The following CCDC42 variants were observed in gnomAD, a reference collection of about 807,000 sequenced individuals.
The protein encoded by CCDC42 is coiled-coil domain containing 42.
In CCDC42, 38 loss-of-function variants were observed where a neutral mutation model predicts 40.8. The observed-to-expected ratio is 0.93, with a 90% CI of 0.72 to 1.22. The LOEUF is 1.22. Among genes scored for constraint, CCDC42 ranks in the 50% most tolerant of loss-of-function variants. The pLI, the probability that CCDC42 is intolerant of heterozygous loss-of-function variation, is 0.00. For missense variants in CCDC42, 379 were observed against 416.5 expected (o/e 0.91, Z 0.78); for synonymous variants, 135 against 157.5 (o/e 0.86, Z 1.07).
At chr17:8,744,028 G>GCCCCCC in intron 2 of CCDC42, 51 bp downstream of exon 2, 2 of 1,220,584 alleles carry the variant, frequency 1.6e-6, no homozygotes, top group Non-Finnish European at 2.4e-6. Context: ...CAGAGCCCCA[G>GCCCCCC]CCCACCCCCT....
intron 2 of CCDC42, 93 bp from the exon 3 acceptor site, chr17:8,743,823 T>G: frequency 1.3e-6 from 1 of 797,632 alleles, no homozygotes; most frequent in Non-Finnish European, 2.1e-6. Flanking sequence ...AGAGGCTCCA[T>G]CCCCAGGCCC....
At chr17:8,741,318 G>T (rs2086641965) in intron 4 of CCDC42, among the ~76,000 whole-genome samples, 156 bp downstream of exon 4, 1 of 152,154 alleles carries the variant, frequency 6.6e-6, no homozygotes, top group Non-Finnish European at 1.5e-5. Context: ...CATCTCCTCG[G>T]AGCAGGGTGC....
Position 8,735,373 on chromosome 17 carries a change from C to T in CCDC42, c.714+17G>A, listed in dbSNP as rs770173173. 2.2e-5 allele frequency: 36 copies of T among 1,613,108 alleles called. No homozygotes were observed. The highest frequency in any genetic ancestry group is 2.5e-5 in the Non-Finnish European group (30 of 1,179,764). Reference sequence around the variant, plus strand: ...ACCCAGTGCCTGGGAGCCCCCGGCCCGCCCCGGGCCCCTCACCCAGAAGAT... The same window carrying T: ...ACCCAGTGCCTGGGAGCCCCCGGCCTGCCCCGGGCCCCTCACCCAGAAGAT... On this transcript the variant is annotated intron_variant, in intron 5 of 6. Transcript: ENST00000293845. The surrounding 1 kb of genome is among the most constrained non-coding windows in gnomAD (Gnocchi z 4.7).
intron 4 of CCDC42, among the ~76,000 whole-genome samples, chr17:8,738,567 G>A (rs543560116): frequency 6.6e-6 from 1 of 150,976 alleles, no homozygotes; most frequent in East Asian, 1.9e-4. Flanking sequence ...CCGGGTTCAA[G>A]CAATTCTCCT....
At chr17:8,741,969 G>A (rs1013430945) in intron 3 of CCDC42, among the ~76,000 whole-genome samples, 5 of 152,134 alleles carry the variant, frequency 3.3e-5, no homozygotes, top group Non-Finnish European at 5.9e-5. Flanking sequence ...GGGCAGACAG[G>A]AAATGGTTCT....
In CCDC42 at chr17:8,730,349, A is replaced by T. The variant is rs531904835; in HGVS notation, c.874-142T>A. Reference sequence around the variant, plus strand: ...CTTCTTTTTAAATTTTTATTTATTTATTTTTTTGATACAAGAGTCTTGCTC... The same window carrying T: ...CTTCTTTTTAAATTTTTATTTATTTTTTTTTTTGATACAAGAGTCTTGCTC... On this transcript the variant is annotated intron_variant, in intron 6 of 6. Coordinates refer to ENST00000293845, the MANE Select transcript of CCDC42 (RefSeq NM_144681.3). 7.0e-5 allele frequency: 41 copies of T among 585,908 alleles called. No homozygotes were observed. The South Asian group carries it at 8.8e-4, about 13-fold the overall frequency. The allele number at this position is 585,908 out of a possible 1,614,324, so 36.3% of individuals were successfully genotyped here. A position where few individuals can be genotyped will look rare whatever the true frequency, so the allele number is the denominator to read the frequency against.
At position 8,735,854 on chromosome 17, in the gene CCDC42, C is replaced by T. The variant is rs563021459; in HGVS notation, c.493-243G>A. Among the ~76,000 whole-genome samples the T allele has an allele frequency of 1.7e-4, 26 of 152,160 alleles. No homozygotes were observed. The highest frequency in any genetic ancestry group is 3.1e-4 in the Non-Finnish European group (21 of 68,022). ...GATGCACAACTGGGCTAGGGATTTTCGACTTTAACTGCATGTGAGAATCAC... is the reference window on the plus strand; with the variant it reads ...GATGCACAACTGGGCTAGGGATTTTTGACTTTAACTGCATGTGAGAATCAC... On this transcript the variant is annotated intron_variant, in intron 4 of 6. Coordinates refer to ENST00000293845, the MANE Select transcript of CCDC42 (RefSeq NM_144681.3). This position sits in a 1 kb window ranked among gnomAD's most constrained non-coding sequence, Gnocchi z 4.7.
At chr17:8,739,463 GGA>G (rs1038456773) in intron 4 of CCDC42, among the ~76,000 whole-genome samples, 1 of 152,160 alleles carries the variant, frequency 6.6e-6, no homozygotes, top group African/African-American at 2.4e-5. Context: ...AGCTTAGGAG[GGA>G]GAGACAGGCC....
intron 3 of CCDC42, 38 bp from the exon 4 acceptor site, chr17:8,741,709 G>A (rs761037591): frequency 1.1e-5 from 17 of 1,593,260 alleles, no homozygotes; most frequent in African/African-American, 9.4e-5. Flanking sequence ...AGGAAGCCTC[G>A]CCCAGCCCTC....
chr17:8,736,932 A>C (rs1387862441), intron 4 of CCDC42, among the ~76,000 whole-genome samples: 1 of 149,478 alleles, frequency 6.7e-6, no homozygotes, highest in Non-Finnish European at 1.5e-5. Context: ...AAGAAAGCAG[A>C]AGAAGAAAGA....
At chr17:8,741,253 C>T (rs1443541878) in intron 4 of CCDC42, among the ~76,000 whole-genome samples, 1 of 152,236 alleles carries the variant, frequency 6.6e-6, no homozygotes. Flanking sequence ...GAAACTCATC[C>T]AGCCTCACCA....
intron 4 of CCDC42, among the ~76,000 whole-genome samples, chr17:8,737,013 GAAAA>G (rs972314224): frequency 2.0e-4 from 19 of 94,362 alleles, no homozygotes; most frequent in African/African-American, 4.4e-4. Flanking sequence ...GGAAGGAAAA[GAAAA>G]AAAGAAAAGA....
intron 4 of CCDC42, 95 bp downstream of exon 4, chr17:8,741,379 T>C: frequency 1.6e-6 from 2 of 1,267,044 alleles, no homozygotes; most frequent in Admixed American, 1.8e-5. Context: ...CCCAGCCAGC[T>C]GAGCCTGAAT....
At position 8,744,539 on chromosome 17, in the gene CCDC42, A is replaced by T. The variant is rs752481753; in HGVS notation, c.71T>A (p.Leu24Gln). Residue 24 changes from leucine to glutamine, a missense_variant, in exon 1 of 7, where the codon CTG becomes CAG. Transcript: ENST00000293845. ...CTCAGACACTCACTGGAGCATCTGCAGCAGCCGCTCCCCATACTGCAGCCG... is the reference window on the plus strand; with the variant it reads ...CTCAGACACTCACTGGAGCATCTGCTGCAGCCGCTCCCCATACTGCAGCCG... ...YFRLQYGERLLQMLQKLPNVE... is the reference protein window; with the variant it reads ...YFRLQYGERLQQMLQKLPNVE... 14 of 1,611,680 alleles carry T rather than the reference A, an allele frequency of 8.7e-6. No homozygotes were observed. Among genetic ancestry groups the T allele is most frequent in the Admixed American group, 1.7e-5 (1 of 60,014 alleles).
chr17:8,732,532 A>T (rs1382904800), intron 6 of CCDC42, among the ~76,000 whole-genome samples: 1 of 152,162 alleles, frequency 6.6e-6, no homozygotes, highest in Non-Finnish European at 1.5e-5. Context: ...GAATTAAAGC[A>T]GCTTTCCCAA....
At chr17:8,736,890 G>A (rs756380856) in intron 4 of CCDC42, among the ~76,000 whole-genome samples, 4 of 151,498 alleles carry the variant, frequency 2.6e-5, no homozygotes, top group African/African-American at 7.3e-5. Context: ...TCAAGATGGG[G>A]AGGGAGAGAC....
chr17:8,736,266 T>G (rs2086610994), intron 4 of CCDC42, among the ~76,000 whole-genome samples: 1 of 152,212 alleles, frequency 6.6e-6, no homozygotes, highest in Non-Finnish European at 1.5e-5. Context: ...GGGATAGGGC[T>G]GGAGGGGACT....
Position 8,735,374 on chromosome 17 carries a change from G to GC in CCDC42, c.714+15dup. 1 of 1,613,120 alleles carries GC rather than the reference G, an allele frequency of 6.2e-7. No individual in the cohort carries two copies. Among genetic ancestry groups the GC allele is most frequent in the Non-Finnish European group, 8.5e-7 (1 of 1,179,720 alleles). On this transcript the variant is annotated intron_variant, in intron 5 of 6. Coordinates refer to ENST00000293845, the MANE Select transcript of CCDC42 (RefSeq NM_144681.3). This position sits in a 1 kb window ranked among gnomAD's most constrained non-coding sequence, Gnocchi z 4.7. Reference sequence around the variant, plus strand: ...CCCAGTGCCTGGGAGCCCCCGGCCCGCCCCGGGCCCCTCACCCAGAAGATG... The same window carrying GC: ...CCCAGTGCCTGGGAGCCCCCGGCCCGCCCCCGGGCCCCTCACCCAGAAGATG...
intron 6 of CCDC42, among the ~76,000 whole-genome samples, chr17:8,731,085 C>G (rs192355): frequency 6.6e-6 from 1 of 152,318 alleles, no homozygotes; most frequent in East Asian, 1.9e-4. Flanking sequence ...CGTCGCAGGT[C>G]TGGGGCAATC....
Sources: gnomAD v4.1 joint callset for allele counts (sites outside exome capture counted in the v4.1 genomes callset) on GRCh38, gnomAD v4.1.1 for gene constraint, Gnocchi (gnomAD v3.1) non-coding constraint, MANE v1.5 for transcripts, NCBI Gene and HGNC (gene_info 2026-07-23, HGNC 2026-07-21) for gene names.